The following TRPM3 variants were observed in gnomAD, a reference collection of about 807,000 sequenced individuals.
TRPM3 encodes long transient receptor potential channel 3.
Under a neutral mutation model 181.2 loss-of-function variants are expected in TRPM3, and 77 were observed. The observed-to-expected ratio is 0.42, with a 90% CI of 0.35 to 0.51. TRPM3 has a LOEUF of 0.51. TRPM3 is among the 20% of genes least tolerant of loss of function. The pLI, the probability that TRPM3 is intolerant of heterozygous loss-of-function variation, is 0.01. For missense variants in TRPM3, 1,759 were observed against 2,196.7 expected, an observed-to-expected ratio of 0.80 and a Z score of 3.98; for synonymous variants, 745 against 796.4, an observed-to-expected ratio of 0.94 and a Z score of 1.09.
intron 1 of TRPM3, among the ~76,000 whole-genome samples, chr9:71,347,405 T>C (rs2091359496): frequency 1.3e-5 from 2 of 152,238 alleles, no homozygotes; most frequent in African/African-American, 4.8e-5. Context: ...TCTTTGTCCA[T>C]AGATTTTACT....
chr9:71,072,585 G>C (rs1442403637), intron 1 of TRPM3, among the ~76,000 whole-genome samples: 1 of 152,146 alleles, frequency 6.6e-6, no homozygotes, highest in African/African-American at 2.4e-5. Context: ...CAGTTCTTGG[G>C]TTGCAGAATC....
At chr9:70,850,240 T>A (rs1253256683) in intron 3 of TRPM3, among the ~76,000 whole-genome samples, 1 of 152,172 alleles carries the variant, frequency 6.6e-6, no homozygotes, top group Non-Finnish European at 1.5e-5. Flanking sequence ...AACTTTCAGA[T>A]ATCTATCAAC....
At chr9:71,364,864 T>G (rs2092283246) in intron 1 of TRPM3, among the ~76,000 whole-genome samples, 3 of 152,230 alleles carry the variant, frequency 2.0e-5, no homozygotes, top group African/African-American at 7.2e-5. Context: ...CCTTTTTCTT[T>G]TTAACTGAAT....
At chr9:71,010,814 G>T (rs959194323) in intron 1 of TRPM3, among the ~76,000 whole-genome samples, 7 of 151,984 alleles carry the variant, frequency 4.6e-5, no homozygotes, top group African/African-American at 1.7e-4. Context: ...ATGTCAAAGA[G>T]ATATCTGCAC....
At chr9:71,209,418 G>GAGAA (rs1464122133) in intron 1 of TRPM3, among the ~76,000 whole-genome samples, 43 of 150,200 alleles carry the variant, frequency 2.9e-4, no homozygotes, top group African/African-American at 1.0e-3. Context: ...GAGAGAGAGA[G>GAGAA]ACTGACTTCT....
intron 1 of TRPM3, among the ~76,000 whole-genome samples, chr9:71,109,057 G>C (rs997618156): frequency 6.6e-6 from 1 of 152,072 alleles, no homozygotes; most frequent in African/African-American, 2.4e-5. Context: ...GAGCAAGAAG[G>C]AATGCCAGCA....
chr9:70,935,681 A>T (rs1241216011), intron 1 of TRPM3, among the ~76,000 whole-genome samples: 1 of 152,184 alleles, frequency 6.6e-6, no homozygotes. Context: ...AATTAGCTGG[A>T]TCTAATAATT....
At position 71,059,041 on chromosome 9, in the gene TRPM3, T is replaced by TTTTTTTTA. The variant is rs34384966; in HGVS notation, c.177+62136_177+62137insTAAAAAAA. 6.8e-5 allele frequency among the ~76,000 whole-genome samples: 10 copies of TTTTTTTTA among 146,582 alleles called. 1 individual carries two copies. In the East Asian group the frequency reaches 1.7e-3, roughly 25 times the overall value. The stretch of plus-strand genomic sequence containing the variant: ...TTTTTTTTTTTTTTTTTTTTTTTTT[T>TTTTTTTTA]ACCAGTCACTATTAATCCATACTAT... On this transcript the variant is annotated intron_variant, in intron 1 of 25. Transcript: ENST00000677713.
intron 22 of TRPM3, among the ~76,000 whole-genome samples, chr9:70,580,741 A>G (rs1770462044): frequency 6.6e-6 from 1 of 152,142 alleles, no homozygotes; most frequent in South Asian, 2.1e-4. Context: ...ATCCAGCTTA[A>G]CTGTTACCTC....
At chr9:70,948,598 G>A (rs1475243338) in intron 1 of TRPM3, among the ~76,000 whole-genome samples, 1 of 152,158 alleles carries the variant, frequency 6.6e-6, no homozygotes, top group Non-Finnish European at 1.5e-5. Flanking sequence ...AACAATTGGA[G>A]AGACTGTCTT....
At chr9:70,962,133 T>C (rs562232359) in intron 1 of TRPM3, among the ~76,000 whole-genome samples, 71 of 152,218 alleles carry the variant, frequency 4.7e-4, no homozygotes, top group Non-Finnish European at 7.9e-4. Flanking sequence ...CAAAATGGAC[T>C]GATTTAGCCT....
intron 1 of TRPM3, among the ~76,000 whole-genome samples, chr9:71,243,365 T>C (rs1031049161): frequency 6.6e-6 from 1 of 152,210 alleles, no homozygotes; most frequent in Non-Finnish European, 1.5e-5. Context: ...ATACAGAGGC[T>C]CCTTCCATCT....
At chr9:70,872,653 G>C (rs916809712) in intron 1 of TRPM3, among the ~76,000 whole-genome samples, 1 of 151,870 alleles carries the variant, frequency 6.6e-6, no homozygotes, top group African/African-American at 2.4e-5. Flanking sequence ...TCCCCCACTA[G>C]AATATAAGTT....
At chr9:70,862,503 A>C (rs996790806) in intron 3 of TRPM3, among the ~76,000 whole-genome samples, 1 of 152,180 alleles carries the variant, frequency 6.6e-6, no homozygotes, top group Non-Finnish European at 1.5e-5. Context: ...AGTTACCAAC[A>C]GAATAAAACA....
At chr9:70,568,014 C>T (rs1406221102) in intron 22 of TRPM3, among the ~76,000 whole-genome samples, 2 of 152,206 alleles carry the variant, frequency 1.3e-5, no homozygotes, top group East Asian at 3.9e-4. Flanking sequence ...CAATTGGGGT[C>T]AAGTCCAGCT....
intron 1 of TRPM3, among the ~76,000 whole-genome samples, chr9:71,185,256 C>A (rs1335701298): frequency 3.3e-5 from 5 of 152,108 alleles, no homozygotes; most frequent in Non-Finnish European, 5.9e-5. Context: ...AGCAATCCTG[C>A]ATATAAAACT....
rs1355190545 is a variant in TRPM3 at position 70,537,229 on chromosome 9, G to C, written c.3884C>G (p.Ser1295Trp). The change falls in exon 26 of 26, where the codon TCG becomes TGG. Residue 1295 changes from serine (S) to tryptophan (W), a missense_variant. By Grantham distance (177) the Ser-to-Trp change is radical. This residue lies in a region of TRPM3 where 612 missense variants were observed against 590.0 expected (regional missense o/e 1.04). Transcript: ENST00000677713. ...GTCCGTGCAGTCTGACGAGGTCCTC[G>C]AGCGGATTTTGTTGGACTCGGCCCG... Reference protein sequence around the residue: ...LERAESNKIRSRTSSDCTDAA... With the variant: ...LERAESNKIRWRTSSDCTDAA... 1 of 1,597,470 alleles carries C rather than the reference G, an allele frequency of 6.3e-7. No homozygotes were observed. Among genetic ancestry groups the C allele is most frequent in the Non-Finnish European group, 8.6e-7 (1 of 1,167,692 alleles).
intron 1 of TRPM3, among the ~76,000 whole-genome samples, chr9:71,097,943 A>G (rs1403642677): frequency 1.3e-5 from 2 of 152,142 alleles, no homozygotes; most frequent in Non-Finnish European, 2.9e-5. Context: ...CAGCAAGGGA[A>G]AGATGTAGAT....
intron 6 of TRPM3, among the ~76,000 whole-genome samples, chr9:70,817,029 T>C (rs764617609): frequency 2.0e-4 from 30 of 152,178 alleles, no homozygotes; most frequent in Non-Finnish European, 2.9e-4. Flanking sequence ...CAGACATATC[T>C]TATTTATGAG....
Sources: allele counts gnomAD v4.1 joint callset (sites outside exome capture counted in the v4.1 genomes callset), GRCh38; gene constraint gnomAD v4.1.1; regional missense constraint gnomAD v4.1.1; transcripts MANE v1.5; gene names NCBI Gene and HGNC (gene_info 2026-07-23, HGNC 2026-07-21).